Variants in THSD4 observed in about 807,000 individuals in gnomAD.
The protein encoded by THSD4 is thrombospondin type-1 domain-containing protein 4.
THSD4 carries 69 observed loss-of-function variants against 119.0 expected under a neutral mutation model. The observed-to-expected ratio is 0.58, with a 90% confidence interval of 0.48 to 0.71. THSD4 has a LOEUF of 0.71. Among genes scored for constraint, THSD4 ranks in the 30% least tolerant of loss-of-function variants. The probability of loss-of-function intolerance (pLI) is 0.00; values close to 1 mark genes in which losing one functional copy is unlikely to be tolerated. For synonymous variants in THSD4, 524 were observed against 540.4 expected (o/e 0.97, Z 0.42); for missense variants, 1,393 against 1,391.1 (o/e 1.00, Z -0.02).
At chr15:71,652,189 G>T (rs2051104179) in intron 7 of THSD4, among the ~76,000 whole-genome samples, 1 of 152,092 alleles carries the variant, frequency 6.6e-6, no homozygotes, top group African/African-American at 2.4e-5. Flanking sequence ...ATTCTGCAAG[G>T]AACTTCCTAG....
At chr15:71,494,789 AG>A (rs752512260) in intron 7 of THSD4, among the ~76,000 whole-genome samples, 9 of 152,234 alleles carry the variant, frequency 5.9e-5, no homozygotes, top group Non-Finnish European at 1.2e-4. Context: ...GGTTATTAAA[AG>A]ATCCCAGGGT....
Position 71,660,652 on chromosome 15 carries a change from G to A in THSD4, c.1275G>A (p.Leu425=). The change falls in exon 8 of 18, where the codon CTG becomes CTA. Residue 425 remains leucine, a synonymous_variant. Transcript: ENST00000261862. ...SGVFKHALTS[L]GYHRVVEIPE... Reference sequence around the variant, plus strand: ...TGTTTAAGCATGCCCTCACCAGCCTGGGCTACCACCGCGTCGTGGAGATTC... The same window carrying A: ...TGTTTAAGCATGCCCTCACCAGCCTAGGCTACCACCGCGTCGTGGAGATTC... 1 of 1,614,118 alleles carries A rather than the reference G, an allele frequency of 6.2e-7. No individual in the cohort carries two copies. The highest frequency in any genetic ancestry group is 8.5e-7 in the Non-Finnish European group (1 of 1,180,020).
chr15:71,126,377 C>T lies in THSD4; in HGVS notation c.-80+10679C>T, dbSNP rs559729023. The stretch of plus-strand genomic sequence containing the variant: ...AAGCAATGACGACTCCCCTTTCCCC[C>T]TCGGGTGTTACTAGAGGCCAAGTGG... On this transcript the variant is annotated intron_variant, in intron 1 of 17. Coordinates refer to ENST00000261862, the MANE Select transcript of THSD4 (RefSeq NM_024817.3). Among the ~76,000 whole-genome samples the T allele has an allele frequency of 2.6e-5, 4 of 152,300 alleles. No homozygotes were observed. In the South Asian group the frequency reaches 8.3e-4, roughly 32 times the overall value.
intron 6 of THSD4, chr15:71,341,453 C>T (rs753528207): frequency 1.2e-5 from 20 of 1,613,130 alleles, no homozygotes; most frequent in Admixed American, 6.7e-5. Context: ...GAATTCAGCA[C>T]TCTTTTTGGG....
intron 7 of THSD4, among the ~76,000 whole-genome samples, chr15:71,415,355 G>C (rs1431668027): frequency 6.6e-6 from 1 of 152,196 alleles, no homozygotes; most frequent in Non-Finnish European, 1.5e-5. Context: ...TGTTTATCCA[G>C]TTCTGGAGCT....
chr15:71,157,091 A>G (rs1229999163), intron 3 of THSD4, among the ~76,000 whole-genome samples: 1 of 152,216 alleles, frequency 6.6e-6, no homozygotes. Flanking sequence ...GAGTCAATTT[A>G]CTGTGTTCCT....
chr15:71,522,545 G>C lies in THSD4; in HGVS notation c.1152+110722G>C, dbSNP rs534532444. On this transcript the variant is annotated intron_variant, in intron 7 of 17. Coordinates refer to ENST00000261862, the MANE Select transcript of THSD4 (RefSeq NM_024817.3). ...GGAAAAATGAAAAGTATTGCTCACT[G>C]ATTGAAAGAGATGTAGTCAGAATTT... is the stretch of plus-strand genomic sequence containing the variant. 4.6e-5 allele frequency among the ~76,000 whole-genome samples: 7 copies of C among 152,330 alleles called. No homozygotes were observed. The East Asian group carries it at 7.7e-4, about 17-fold the overall frequency.
At chr15:71,172,696 T>TATGTGAC in intron 3 of THSD4, among the ~76,000 whole-genome samples, 1 of 91,944 alleles carries the variant, frequency 1.1e-5, no homozygotes, top group South Asian at 3.5e-4. Flanking sequence ...TATATATATA[T>TATGTGAC]ATATATATAT....
intron 15 of THSD4, among the ~76,000 whole-genome samples, 175 bp from the exon 16 acceptor site, chr15:71,764,845 A>C (rs932111262): frequency 6.6e-6 from 1 of 152,248 alleles, no homozygotes; most frequent in Non-Finnish European, 1.5e-5. Context: ...ACTGTTAGGA[A>C]ACTGCATTCC....
intron 6 of THSD4, among the ~76,000 whole-genome samples, chr15:71,288,443 T>C (rs912508452): frequency 2.0e-5 from 3 of 152,036 alleles, no homozygotes; most frequent in Admixed American, 6.5e-5. Context: ...ATTGTACAGA[T>C]GGGGAAACTG....
chr15:71,376,028 C>A (rs2046131879), intron 6 of THSD4, among the ~76,000 whole-genome samples: 1 of 152,204 alleles, frequency 6.6e-6, no homozygotes, highest in Non-Finnish European at 1.5e-5. Context: ...TTATGCATAA[C>A]AAATAGAGTT....
Position 71,748,491 on chromosome 15 carries a change from T to C in THSD4, c.2312T>C (p.Val771Ala), listed in dbSNP as rs760346101. ...VKCVSNIGDV[V>A]DDEECNMKLR... ...TGTGTGAGCAACATTGGGGATGTGG[T>C]TGACGATGAGGAATGCAACATGAAG... Residue 771 changes from valine to alanine, a missense_variant, in exon 14 of 18, where the codon GTT becomes GCT. Physicochemically the swap from Val to Ala is moderately conservative, Grantham distance 64 (BLOSUM62 0). Transcript: ENST00000261862. 1.2e-6 allele frequency: 2 copies of C among 1,614,036 alleles called. No individual in the cohort carries two copies. Among genetic ancestry groups the C allele is most frequent in the East Asian group, 2.2e-5 (1 of 44,900 alleles).
At chr15:71,443,719 A>C (rs1214633522) in intron 7 of THSD4, among the ~76,000 whole-genome samples, 3 of 152,336 alleles carry the variant, frequency 2.0e-5, no homozygotes, top group African/African-American at 7.2e-5. Flanking sequence ...AAAGCATAAA[A>C]GGTGCATGTT....
chr15:71,346,412 C>T (rs1001181137), intron 6 of THSD4, among the ~76,000 whole-genome samples: 5 of 152,224 alleles, frequency 3.3e-5, no homozygotes, highest in Non-Finnish European at 7.3e-5. Flanking sequence ...CCCTTCTACT[C>T]AATGGGTTTT....
intron 3 of THSD4, among the ~76,000 whole-genome samples, chr15:71,173,802 C>A (rs572744309): frequency 6.6e-6 from 1 of 152,072 alleles, no homozygotes; most frequent in Admixed American, 6.5e-5. Context: ...AACAGTGTGA[C>A]ACTGACAGCC....
At chr15:71,580,911 T>G (rs1335766457) in intron 7 of THSD4, among the ~76,000 whole-genome samples, 1 of 152,050 alleles carries the variant, frequency 6.6e-6, no homozygotes, top group African/African-American at 2.4e-5. Flanking sequence ...ATGTGTGTGT[T>G]ATATATATAC....
At chr15:71,768,254 G>A (rs1335650536) in intron 16 of THSD4, among the ~76,000 whole-genome samples, 1 of 140,136 alleles carries the variant, frequency 7.1e-6, no homozygotes. Flanking sequence ...GCAGCCCCCC[G>A]GAAGTAGTCT....
intron 6 of THSD4, among the ~76,000 whole-genome samples, chr15:71,345,413 T>A (rs531542520): frequency 6.6e-6 from 1 of 152,286 alleles, no homozygotes; most frequent in African/African-American, 2.4e-5. Flanking sequence ...CCTCTGTGAT[T>A]GGCCCTTTCT....
intron 7 of THSD4, among the ~76,000 whole-genome samples, chr15:71,516,034 G>A (rs1241998480): frequency 6.6e-6 from 1 of 152,152 alleles, no homozygotes; most frequent in Non-Finnish European, 1.5e-5. Flanking sequence ...CATGCCAAGG[G>A]TTTTTGACCA....
Sources: gnomAD v4.1 joint callset for allele counts (sites outside exome capture counted in the v4.1 genomes callset) on GRCh38, gnomAD v4.1.1 for gene constraint, MANE v1.5 for transcripts, NCBI Gene and HGNC (gene_info 2026-07-23, HGNC 2026-07-21) for gene names.